The following PCDHA10 variants were observed in gnomAD, a reference collection of about 807,000 sequenced individuals.
The protein encoded by PCDHA10 is protocadherin alpha 10.
In PCDHA10, 45 loss-of-function variants were observed where a neutral mutation model predicts 61.2. The observed-to-expected ratio is 0.74, with a 90% confidence interval of 0.58 to 0.94. The LOEUF (loss-of-function observed/expected upper bound fraction) is 0.94. Among genes scored for constraint, PCDHA10 ranks in the 40% least tolerant of loss-of-function variants. The probability of loss-of-function intolerance (pLI) is 0.00; values close to 1 mark genes in which losing one functional copy is unlikely to be tolerated. For synonymous variants in PCDHA10, 602 were observed against 548.8 expected, an observed-to-expected ratio of 1.10 and a Z score of -1.35; for missense variants, 1,278 against 1,236.2, an observed-to-expected ratio of 1.03 and a Z score of -0.51.
intron 3 of PCDHA10, among the ~76,000 whole-genome samples, chr5:140,993,365 A>G (rs1207264244): frequency 1.3e-5 from 2 of 151,422 alleles, no homozygotes; most frequent in Admixed American, 6.6e-5. Flanking sequence ...CACAAAAACT[A>G]CCTCCCAGCC....
chr5:140,948,722 A>G (rs2094296449), intron 1 of PCDHA10, among the ~76,000 whole-genome samples: 1 of 151,574 alleles, frequency 6.6e-6, no homozygotes, highest in Admixed American at 6.6e-5. Context: ...TTTTTTATCA[A>G]TAAGTCTAGC....
chr5:140,878,728 C>T (rs1554170509), intron 1 of PCDHA10, among the ~76,000 whole-genome samples: 1 of 152,170 alleles, frequency 6.6e-6, no homozygotes, highest in Non-Finnish European at 1.5e-5. Flanking sequence ...AATTTCCAGC[C>T]TTATATCTAC....
intron 1 of PCDHA10, chr5:140,968,611 G>A: frequency 6.2e-7 from 1 of 1,614,194 alleles, no homozygotes; most frequent in African/African-American, 1.3e-5. Flanking sequence ...CAGACTCTGG[G>A]CAAAATGCTT....
At chr5:140,939,766 C>T (rs58911992) in intron 1 of PCDHA10, among the ~76,000 whole-genome samples, 27,055 of 152,058 alleles carry the variant, frequency 0.18, 2,673 homozygotes, top group African/African-American at 0.26. Context: ...TATAGTATTT[C>T]AGGGTGTGAA....
At chr5:140,859,049 C>A (rs1416112480) in intron 1 of PCDHA10, 2 of 150,472 alleles carry the variant, frequency 1.3e-5, no homozygotes, top group African/African-American at 4.9e-5. Flanking sequence ...AAAACGTTTT[C>A]CATTTTTATT....
chr5:140,882,104 A>C, intron 1 of PCDHA10: 2 of 1,343,832 alleles, frequency 1.5e-6, no homozygotes. Context: ...CGTTTCCGCG[A>C]AGAAAGCCGC....
chr5:140,856,542 C>T lies in PCDHA10; in HGVS notation c.494C>T (p.Ala165Val), dbSNP rs1229307542. ...GASDADVGEN[A>V]LLTYKLSPNE... Reference sequence around the variant, plus strand: ...TCTGATGCGGATGTTGGAGAGAACGCATTGCTTACTTACAAACTCAGTCCA... The same window carrying T: ...TCTGATGCGGATGTTGGAGAGAACGTATTGCTTACTTACAAACTCAGTCCA... Residue 165 changes from alanine (A) to valine (V), a missense_variant, in exon 1 of 4, where the codon GCA (alanine) becomes GTA (valine). By Grantham distance (64) the Ala-to-Val change is moderately conservative (BLOSUM62 0). Coordinates refer to ENST00000307360, the MANE Select transcript of PCDHA10 (RefSeq NM_018901.4). The T allele has an allele frequency of 6.3e-7, 1 of 1,598,136 alleles. No homozygotes were observed. The highest frequency in any genetic ancestry group is 8.6e-7 in the Non-Finnish European group (1 of 1,167,736).
intron 1 of PCDHA10, among the ~76,000 whole-genome samples, chr5:140,940,372 A>G (rs1173605569): frequency 1.3e-5 from 2 of 151,970 alleles, no homozygotes; most frequent in Admixed American, 6.6e-5. Flanking sequence ...GTATTCCTTG[A>G]GTTGTTAATT....
intron 1 of PCDHA10, among the ~76,000 whole-genome samples, chr5:140,921,467 A>G (rs1287124986): frequency 1.3e-5 from 2 of 152,204 alleles, no homozygotes; most frequent in East Asian, 1.9e-4. Flanking sequence ...TGCAACCACT[A>G]CCAAACCACT....
At chr5:140,952,654 G>T (rs541888180) in intron 1 of PCDHA10, among the ~76,000 whole-genome samples, 4 of 152,270 alleles carry the variant, frequency 2.6e-5, no homozygotes, top group African/African-American at 9.6e-5. Context: ...TGGTTACCCA[G>T]TTCCAAAGTC....
At position 140,979,482 on chromosome 5, in the gene PCDHA10, C is replaced by A. The variant is rs568650143; in HGVS notation, c.2447+475C>A. On this transcript the variant is annotated intron_variant, in intron 2 of 3. Coordinates refer to ENST00000307360, the MANE Select transcript of PCDHA10 (RefSeq NM_018901.4). Reference sequence around the variant, plus strand: ...ATTGATTGCTATTGTTGTTTGTGTTCACACCTATTAGAGCCTCCTCATCTT... The same window carrying A: ...ATTGATTGCTATTGTTGTTTGTGTTAACACCTATTAGAGCCTCCTCATCTT... Among the ~76,000 whole-genome samples, 6 of 152,068 alleles carry A rather than the reference C, an allele frequency of 3.9e-5. No homozygotes were observed. In the South Asian group the frequency reaches 1.0e-3, roughly 26 times the overall value.
intron 1 of PCDHA10, among the ~76,000 whole-genome samples, chr5:140,902,546 A>G (rs1456804685): frequency 6.6e-6 from 1 of 152,088 alleles, no homozygotes; most frequent in Non-Finnish European, 1.5e-5. Context: ...TGTTCCTTCT[A>G]TACCCAGATT....
chr5:140,908,329 A>T (rs539575503), intron 1 of PCDHA10, among the ~76,000 whole-genome samples: 140 of 152,214 alleles, frequency 9.2e-4, no homozygotes, highest in African/African-American at 2.7e-3. Flanking sequence ...AGACCATGGG[A>T]ATTTGAGCCA....
At chr5:140,968,410 T>A (rs1554230678) in intron 1 of PCDHA10, 2 of 1,614,040 alleles carry the variant, frequency 1.2e-6, no homozygotes, top group Non-Finnish European at 1.7e-6. Flanking sequence ...TCTTTGTGAC[T>A]GTGGAGGCTC....
At chr5:140,930,675 A>G (rs1326713897) in intron 1 of PCDHA10, among the ~76,000 whole-genome samples, 2 of 152,234 alleles carry the variant, frequency 1.3e-5, no homozygotes, top group Non-Finnish European at 2.9e-5. Flanking sequence ...TATTCTAGGC[A>G]ATAAGGGGAA....
At chr5:140,938,705 A>G (rs1554212312) in intron 1 of PCDHA10, among the ~76,000 whole-genome samples, 1 of 152,150 alleles carries the variant, frequency 6.6e-6, no homozygotes, top group African/African-American at 2.4e-5. Context: ...ATATATGTTT[A>G]TGATAGAAAC....
chr5:140,902,818 T>G (rs1554190664), intron 1 of PCDHA10, among the ~76,000 whole-genome samples: 1 of 152,062 alleles, frequency 6.6e-6, no homozygotes, highest in Non-Finnish European at 1.5e-5. Flanking sequence ...CAATATTTGG[T>G]TTTCGATTTC....
rs57893927 is a variant in PCDHA10, at chr5:140,946,631, T to TATATATATATATATATAC, written c.2389-32317_2389-32316insTATATATATATATATACA. Among the ~76,000 whole-genome samples, 374 of 131,796 alleles carry TATATATATATATATATAC rather than the reference T, an allele frequency of 2.8e-3. 24 individuals carry two copies. The highest frequency in any genetic ancestry group is 0.011 in the African/African-American group (320 of 28,670). 86.5% of individuals were successfully genotyped at this position (131,796 alleles called of 152,430 possible). ...TGTGAAATATATATATATATATATA[T>TATATATATATATATATAC]ACAATGGAATACTCATCAGCCATTA... On this transcript the variant is annotated intron_variant, in intron 1 of 3. Coordinates refer to ENST00000307360, the MANE Select transcript of PCDHA10 (RefSeq NM_018901.4).
rs529968685 is a variant in PCDHA10 at position 140,857,928 on chromosome 5, C to T, written c.1880C>T (p.Thr627Met). ...ARIPFRVGLYTGEISTTRALD... is the reference protein window; with the variant it reads ...ARIPFRVGLYMGEISTTRALD... ...ATCCCGTTTCGCGTGGGGCTGTACA[C>T]GGGCGAGATCAGTACGACGCGCGCT... The change falls in exon 1 of 4, where the codon ACG becomes ATG. Residue 627 changes from threonine to methionine, a missense_variant. By Grantham distance (81) the Thr-to-Met change is moderately conservative. Coordinates refer to ENST00000307360, the MANE Select transcript of PCDHA10 (RefSeq NM_018901.4). The T allele has an allele frequency of 2.5e-6, 4 of 1,597,668 alleles. No individual in the cohort carries two copies. In the South Asian group the frequency reaches 3.3e-5, roughly 13 times the overall value.
Sources: allele counts gnomAD v4.1 joint callset (sites outside exome capture counted in the v4.1 genomes callset), GRCh38; gene constraint gnomAD v4.1.1; transcripts MANE v1.5; gene names NCBI Gene and HGNC (gene_info 2026-07-23, HGNC 2026-07-21).